The following FRAS1 variants were observed in gnomAD, a reference collection of about 807,000 sequenced individuals.
FRAS1 encodes extracellular matrix organizing protein FRAS1.
In FRAS1, 290 loss-of-function variants were observed where a neutral mutation model predicts 435.2. The ratio of observed to expected loss-of-function variants is 0.67; its 90% CI spans 0.61 to 0.73. FRAS1 has a LOEUF of 0.73. Ranked by LOEUF, FRAS1 falls within the 30% of genes least tolerant of loss-of-function variation. FRAS1 has a pLI of 0.00. For missense variants in FRAS1, 4,860 were observed against 5,001.5 expected (o/e 0.97, Z 0.85); for synonymous variants, 1,800 against 1,851.0 (o/e 0.97, Z 0.71).
intron 70 of FRAS1, among the ~76,000 whole-genome samples, chr4:78,528,665 A>T (rs905701042): frequency 6.6e-6 from 1 of 152,182 alleles, no homozygotes; most frequent in African/African-American, 2.4e-5. Context: ...TCAACTGATG[A>T]ACATTTCAGT....
intron 24 of FRAS1, among the ~76,000 whole-genome samples, chr4:78,373,581 C>G (rs1396059681): frequency 4.6e-5 from 7 of 151,586 alleles, no homozygotes; most frequent in Non-Finnish European, 8.8e-5. Flanking sequence ...AGTTCAAGAC[C>G]AGCCTGACTA....
intron 2 of FRAS1, among the ~76,000 whole-genome samples, chr4:78,211,980 T>C (rs959926429): frequency 6.6e-6 from 1 of 152,198 alleles, no homozygotes; most frequent in African/African-American, 2.4e-5. Flanking sequence ...TTATCTCATT[T>C]GGTATGTTTT....
intron 43 of FRAS1, 95 bp from the exon 44 acceptor site, chr4:78,447,958 A>C: frequency 8.5e-7 from 1 of 1,179,130 alleles, no homozygotes; most frequent in Non-Finnish European, 1.2e-6. Flanking sequence ...CATTCTACCC[A>C]GACTCATACT....
At chr4:78,309,310 AAGAGTTTATGGTAATTTGCTACAGC>A (rs796184209) in intron 15 of FRAS1, among the ~76,000 whole-genome samples, 3 of 152,338 alleles carry the variant, frequency 2.0e-5, no homozygotes, top group African/African-American at 7.2e-5. Flanking sequence ...TTTTAAGCCA[AAGAGTTTATGGTAATTTGCTACAGC>A]AGCAATAGAA....
At chr4:78,263,362 A>G (rs2110149841) in intron 6 of FRAS1, among the ~76,000 whole-genome samples, 1 of 152,310 alleles carries the variant, frequency 6.6e-6, no homozygotes, top group African/African-American at 2.4e-5. Context: ...GTATAATTAG[A>G]TGTTGCCAAT....
In FRAS1 at chr4:78,140,775, G is replaced by A. The variant is rs189264629; in HGVS notation, c.108+74759G>A. On this transcript the variant is annotated intron_variant, in intron 2 of 73. Transcript: ENST00000512123. ...CGTGTGTGTATATGTATATACGTGT[G>A]TGTATATATATCTCATGTATATATA... is the stretch of plus-strand genomic sequence containing the variant. 2.3e-3 allele frequency among the ~76,000 whole-genome samples: 318 copies of A among 139,252 alleles called. 1 individual carries two copies. Among genetic ancestry groups the A allele is most frequent in the Middle Eastern group, 0.011 (3 of 272 alleles). The allele number at this position is 139,252 out of a possible 152,430, so 91.4% of individuals were successfully genotyped here.
chr4:78,081,692 T>C (rs764494687), intron 2 of FRAS1, among the ~76,000 whole-genome samples: 2 of 152,100 alleles, frequency 1.3e-5, no homozygotes, highest in East Asian at 3.9e-4. Context: ...TGGCTAGAGA[T>C]AGAATCTGGG....
At position 78,541,000 on chromosome 4, in the gene FRAS1, C is replaced by T; in HGVS notation, c.11915C>T (p.Thr3972Ile). The stretch of plus-strand genomic sequence containing the variant: ...AAGAACGTGAATAGACACTACTGCA[C>T]TGTGCGGAACGTCAACATCCTGAGT... ...VEKNVNRHYC[T>I]VRNVNILSEP... Residue 3972 changes from threonine (T) to isoleucine (I), a missense_variant, in exon 74 of 74, where the codon ACT becomes ATT. Transcript: ENST00000512123. The T allele has an allele frequency of 1.3e-6, 2 of 1,574,540 alleles. No homozygotes were observed. Among genetic ancestry groups the T allele is most frequent in the Non-Finnish European group, 1.7e-6 (2 of 1,157,124 alleles).
chr4:78,327,723 G>A (rs1465430324), intron 18 of FRAS1, among the ~76,000 whole-genome samples: 1 of 152,176 alleles, frequency 6.6e-6, no homozygotes, highest in East Asian at 1.9e-4. Flanking sequence ...TATATGCTCT[G>A]TAATGGGTTC....
chr4:78,391,008 A>G (rs1378701490), intron 29 of FRAS1, among the ~76,000 whole-genome samples: 1 of 152,264 alleles, frequency 6.6e-6, no homozygotes, highest in Non-Finnish European at 1.5e-5. Context: ...AGCAGAGCAC[A>G]TCGTAGGAGT....
At chr4:78,392,166 A>G (rs754816372) in intron 29 of FRAS1, among the ~76,000 whole-genome samples, 2 of 152,158 alleles carry the variant, frequency 1.3e-5, no homozygotes, top group African/African-American at 2.4e-5. Flanking sequence ...AAACAGTCCA[A>G]TTATCTTTCC....
At position 78,378,756 on chromosome 4, in the gene FRAS1, A is replaced by G. The variant is rs369952857; in HGVS notation, c.3293-970A>G. Among the ~76,000 whole-genome samples, 78 of 152,184 alleles carry G rather than the reference A, an allele frequency of 5.1e-4. 1 individual carries two copies. The highest frequency in any genetic ancestry group is 1.8e-3 in the African/African-American group (75 of 41,460). ...TATTGTTGAGTTATAGGAGTTCTTT[A>G]TATATTCTTGACACAAGTCCCTTTG... On this transcript the variant is annotated intron_variant, in intron 26 of 73. Transcript: ENST00000512123.
intron 67 of FRAS1, among the ~76,000 whole-genome samples, chr4:78,520,004 G>A (rs1024919422): frequency 2.0e-5 from 3 of 152,136 alleles, no homozygotes; most frequent in African/African-American, 7.2e-5. Context: ...CTGTGATACT[G>A]AATGTTTAAA....
At chr4:78,222,251 G>T (rs891296754) in intron 2 of FRAS1, among the ~76,000 whole-genome samples, 7 of 152,208 alleles carry the variant, frequency 4.6e-5, no homozygotes, top group Admixed American at 2.0e-4. Flanking sequence ...GCACTGGTCA[G>T]CAAGTTTTCA....
chr4:78,474,564 G>A (rs938042312), intron 53 of FRAS1, among the ~76,000 whole-genome samples: 2 of 152,182 alleles, frequency 1.3e-5, no homozygotes, highest in Non-Finnish European at 2.9e-5. Flanking sequence ...CCTCTCAATT[G>A]TATCACCTTC....
At chr4:78,520,671 AG>A (rs1473023030) in intron 67 of FRAS1, among the ~76,000 whole-genome samples, 1 of 152,262 alleles carries the variant, frequency 6.6e-6, no homozygotes, top group Non-Finnish European at 1.5e-5. Flanking sequence ...TATATTGTTT[AG>A]GAAATAATGA....
At position 78,541,654 on chromosome 4, in the gene FRAS1, G is replaced by T. The variant is rs544866402; in HGVS notation, c.*530G>T. 1 of 152,186 alleles carries T rather than the reference G, an allele frequency of 6.6e-6. No homozygotes were observed. The highest frequency in any genetic ancestry group is 2.1e-4 in the South Asian group (1 of 4,828). 9.4% of individuals were successfully genotyped at this position (152,186 alleles called of 1,614,324 possible). A position where few individuals can be genotyped will look rare whatever the true frequency, so the allele number is the denominator to read the frequency against. The stretch of plus-strand genomic sequence containing the variant: ...TTTGCTCATGATTTCACTTGACAGC[G>T]TATGCTCCTTGGCCTCTAATTGTAC... On this transcript the variant is annotated 3_prime_UTR_variant, in exon 74 of 74. Coordinates refer to ENST00000512123, the MANE Select transcript of FRAS1 (RefSeq NM_025074.7).
At chr4:78,237,406 T>C in intron 2 of FRAS1, 104 bp from the exon 3 acceptor site, 1 of 754,446 alleles carries the variant, frequency 1.3e-6, no homozygotes, top group East Asian at 2.6e-5. Context: ...TGACTTTTCT[T>C]TGTCTTGTAA....
chr4:78,134,071 G>T (rs887170672), intron 2 of FRAS1, among the ~76,000 whole-genome samples: 1 of 150,538 alleles, frequency 6.6e-6, no homozygotes, highest in Non-Finnish European at 1.5e-5. Flanking sequence ...CCATTCTCCT[G>T]CCTCAGCCTC....
Sources: allele counts gnomAD v4.1 joint callset (sites outside exome capture counted in the v4.1 genomes callset), GRCh38; gene constraint gnomAD v4.1.1; transcripts MANE v1.5; gene names NCBI Gene and HGNC (gene_info 2026-07-23, HGNC 2026-07-21).